Variants in HMCN2 observed in about 807,000 individuals in gnomAD.
The protein encoded by HMCN2 is hemicentin-2.
Under a neutral mutation model 377.5 loss-of-function variants are expected in HMCN2, and 325 were observed. The observed-to-expected ratio is 0.86, with a 90% CI of 0.79 to 0.94. HMCN2 has a LOEUF of 0.94. Ranked by LOEUF, HMCN2 falls within the 40% of genes least tolerant of loss-of-function variation. The probability of loss-of-function intolerance (pLI) is 0.00; values close to 1 mark genes in which losing one functional copy is unlikely to be tolerated. For synonymous variants in HMCN2, 2,007 were observed against 2,046.8 expected, an observed-to-expected ratio of 0.98 and a Z score of 0.53; for missense variants, 4,543 against 4,725.3, an observed-to-expected ratio of 0.96 and a Z score of 1.13.
chr9:130,310,977 A>T (rs1019629768), intron 15 of HMCN2, among the ~76,000 whole-genome samples: 3 of 152,142 alleles, frequency 2.0e-5, no homozygotes, highest in Non-Finnish European at 4.4e-5. Flanking sequence ...GAGAGGGGTG[A>T]TCATTCACTT....
rs1281837510 is a variant in HMCN2, at chr9:130,384,768, G to T, written c.9076G>T (p.Asp3026Tyr). Residue 3026 changes from aspartate (D) to tyrosine (Y), a missense_variant, in exon 59 of 98, where the codon GAC (aspartate) becomes TAC (tyrosine). Transcript: ENST00000683500. ...CGAAGCCCTCAATGCTGCCGGCCGA[G>T]ACCAGAAGCTGGTGCAGCTCAGTGT... ...TCEALNAAGR[D>Y]QKLVQLSVLV... 10 of 1,303,486 alleles carry T rather than the reference G, an allele frequency of 7.7e-6. No homozygotes were observed. The highest frequency in any genetic ancestry group is 1.0e-5 in the Non-Finnish European group (10 of 988,946). The allele number at this position is 1,303,486 out of a possible 1,614,324, so 80.7% of individuals were successfully genotyped here. A position where few individuals can be genotyped will look rare whatever the true frequency, so the allele number is the denominator to read the frequency against.
chr9:130,284,982 A>T (rs1835341327), intron 2 of HMCN2, among the ~76,000 whole-genome samples, 176 bp from the exon 3 acceptor site: 1 of 152,192 alleles, frequency 6.6e-6, no homozygotes, highest in African/African-American at 2.4e-5. Flanking sequence ...GATGCTGCTT[A>T]TCTACAGTTA....
intron 77 of HMCN2, 63 bp from the exon 78 acceptor site, chr9:130,402,726 C>T: frequency 6.7e-6 from 7 of 1,051,930 alleles, no homozygotes; most frequent in Non-Finnish European, 9.0e-6. Flanking sequence ...TGTGTAGGAG[C>T]CCTGCCACCT....
chr9:130,343,156 C>A (rs1839151718), intron 25 of HMCN2, among the ~76,000 whole-genome samples: 1 of 152,156 alleles, frequency 6.6e-6, no homozygotes, highest in Admixed American at 6.5e-5. Context: ...TTTTTGTGAA[C>A]CCCACGGCCC....
chr9:130,379,876 T>C (rs1292856285), intron 54 of HMCN2, among the ~76,000 whole-genome samples: 1 of 152,212 alleles, frequency 6.6e-6, no homozygotes, highest in Non-Finnish European at 1.5e-5. Flanking sequence ...TTCTATTTTT[T>C]TCTATTTTTA....
In HMCN2 at chr9:130,410,642, C is replaced by G. The variant is rs751910213; in HGVS notation, c.12951C>G (p.Leu4317=). Residue 4317 remains leucine (L), a synonymous_variant, in exon 85 of 98, where the codon CTC becomes CTG. Coordinates refer to ENST00000683500, the MANE Select transcript of HMCN2 (RefSeq NM_001291815.2). ...GCGTGGCGAAGAAAGTGGTGATCCT[C>G]GTCCTGCAGAGTGAGTCTCGGCCTC... ...EMGVAKKVVI[L]VLQSAPVFQV... 1.3e-6 allele frequency: 2 copies of G among 1,550,572 alleles called. No individual in the cohort carries two copies. Among genetic ancestry groups the G allele is most frequent in the Admixed American group, 3.9e-5 (2 of 50,996 alleles).
At chr9:130,388,680 C>A (rs926457726) in intron 62 of HMCN2, 140 bp downstream of exon 62, 10 of 382,090 alleles carry the variant, frequency 2.6e-5, no homozygotes, top group African/African-American at 1.1e-4. Context: ...TTGCCCCCCC[C>A]CCCACCATTT....
chr9:130,400,478 C>T, intron 76 of HMCN2: 1 of 193,480 alleles, frequency 5.2e-6, no homozygotes, highest in Non-Finnish European at 1.1e-5. Context: ...CAGAGCAGAT[C>T]AAGGCTCTCA....
intron 95 of HMCN2, chr9:130,431,125 T>C: frequency 3.5e-6 from 2 of 573,308 alleles, no homozygotes; most frequent in South Asian, 2.1e-5. Flanking sequence ...GTCTGCGGGG[T>C]GGTGCTGCTT....
chr9:130,409,543 T>C (rs1363688182), intron 84 of HMCN2, among the ~76,000 whole-genome samples: 1 of 152,200 alleles, frequency 6.6e-6, no homozygotes, highest in Non-Finnish European at 1.5e-5. Flanking sequence ...TTTCTCTGGG[T>C]AGTAATGATA....
intron 7 of HMCN2, among the ~76,000 whole-genome samples, chr9:130,297,051 C>T (rs138420928): frequency 1.8e-3 from 279 of 152,362 alleles, no homozygotes; most frequent in African/African-American, 6.5e-3. Context: ...CGTGCCTCCA[C>T]AGTCAGTGTC....
chr9:130,425,174 G>C (rs1486779212), intron 89 of HMCN2, 44 bp downstream of exon 89: 1 of 1,493,160 alleles, frequency 6.7e-7, no homozygotes, highest in South Asian at 1.3e-5. Context: ...GTAGGTGAGA[G>C]AGACGAAGGT....
chr9:130,423,447 C>T lies in HMCN2; in HGVS notation c.13381+721C>T, dbSNP rs1357788933. ...TGCTGGGGAAGTCACTCTGAGCTGGCTGTCAGCAGACAGCAGATGAAGCGA... is the reference window on the plus strand; with the variant it reads ...TGCTGGGGAAGTCACTCTGAGCTGGTTGTCAGCAGACAGCAGATGAAGCGA... On this transcript the variant is annotated intron_variant, in intron 87 of 97. Coordinates refer to ENST00000683500, the MANE Select transcript of HMCN2 (RefSeq NM_001291815.2). This position sits in a 1 kb window ranked among gnomAD's most constrained non-coding sequence, Gnocchi z 5.5. Among the ~76,000 whole-genome samples, 1 of 152,226 alleles carries T rather than the reference C, an allele frequency of 6.6e-6. No homozygotes were observed. Among genetic ancestry groups the T allele is most frequent in the Non-Finnish European group, 1.5e-5 (1 of 68,036 alleles).
chr9:130,422,860 C>A lies in HMCN2; in HGVS notation c.13381+134C>A. Reference sequence around the variant, plus strand: ...TGCTCAAGGCCTGATGACCAGAGCACGTCTGACCATCTCTCAAAGCTGAGT... The same window carrying A: ...TGCTCAAGGCCTGATGACCAGAGCAAGTCTGACCATCTCTCAAAGCTGAGT... On this transcript the variant is annotated intron_variant, in intron 87 of 97. Transcript: ENST00000683500. This position sits in a 1 kb window ranked among gnomAD's most constrained non-coding sequence, Gnocchi z 4.2. The A allele has an allele frequency of 1.5e-6, 1 of 685,018 alleles. No individual in the cohort carries two copies. The highest frequency in any genetic ancestry group is 2.1e-6 in the Non-Finnish European group (1 of 487,190). The allele number at this position is 685,018 out of a possible 1,614,324, so 42.4% of individuals were successfully genotyped here.
At chr9:130,388,240 G>T (rs1411608502) in intron 61 of HMCN2, among the ~76,000 whole-genome samples, 169 bp from the exon 62 acceptor site, 1 of 152,194 alleles carries the variant, frequency 6.6e-6, no homozygotes, top group Non-Finnish European at 1.5e-5. Flanking sequence ...GCTTTGCTTT[G>T]TATGCTTTAA....
At chr9:130,266,788 C>T (rs782471122) in intron 1 of HMCN2, among the ~76,000 whole-genome samples, 1 of 152,218 alleles carries the variant, frequency 6.6e-6, no homozygotes, top group Non-Finnish European at 1.5e-5. Flanking sequence ...CTTCCCTGCA[C>T]GCTGCACCTC....
chr9:130,321,598 G>T (rs1166684787), intron 18 of HMCN2, among the ~76,000 whole-genome samples, 189 bp from the exon 19 acceptor site: 1 of 152,122 alleles, frequency 6.6e-6, no homozygotes, highest in Non-Finnish European at 1.5e-5. Context: ...GCCCTGCAGG[G>T]TCTCTGGAGG....
chr9:130,363,748 G>C (rs745569982), intron 40 of HMCN2, among the ~76,000 whole-genome samples: 2 of 151,542 alleles, frequency 1.3e-5, no homozygotes, highest in Non-Finnish European at 2.9e-5. Context: ...ACTTGAACCT[G>C]GGAGGTAGAG....
At chr9:130,383,647 C>A in intron 57 of HMCN2, 47 bp downstream of exon 57, 9 of 891,142 alleles carry the variant, frequency 1.0e-5, no homozygotes, top group Non-Finnish European at 9.4e-6. Flanking sequence ...TTTTCCCTTC[C>A]CAGGGGGCAC....
Sources: allele counts gnomAD v4.1 joint callset (sites outside exome capture counted in the v4.1 genomes callset), GRCh38; gene constraint gnomAD v4.1.1; non-coding constraint Gnocchi (gnomAD v3.1); transcripts MANE v1.5; gene names NCBI Gene and HGNC (gene_info 2026-07-23, HGNC 2026-07-21).